SOX10: variants seen among roughly 807,000 people sequenced by gnomAD.
SOX10 encodes transcription factor SOX-10.
In SOX10, 3 loss-of-function variants were observed where a neutral mutation model predicts 35.0. That is an observed-to-expected ratio of 0.09 (90% CI 0.04 to 0.22). The LOEUF is 0.22. SOX10 is among the 10% of genes least tolerant of loss of function. The pLI is 1.00. For synonymous variants in SOX10, 285 were observed against 291.0 expected, an observed-to-expected ratio of 0.98 and a Z score of 0.21; for missense variants, 436 against 655.1, an observed-to-expected ratio of 0.67 and a Z score of 3.65.
chr22:37,979,300 A>G (rs1336776863), intron 2 of SOX10, among the ~76,000 whole-genome samples: 57 of 139,246 alleles, frequency 4.1e-4, no homozygotes, highest in East Asian at 2.9e-3. Flanking sequence ...GTTTCACCAT[A>G]TTGGCCAGGC....
Position 37,974,639 on chromosome 22 carries a change from C to T in SOX10, c.698-441G>A, listed in dbSNP as rs1020233111. 5.3e-5 allele frequency among the ~76,000 whole-genome samples: 8 copies of T among 152,216 alleles called. No individual in the cohort carries two copies. Among genetic ancestry groups the T allele is most frequent in the Non-Finnish European group, 1.0e-4 (7 of 68,032 alleles). On this transcript the variant is annotated intron_variant, in intron 3 of 3. Transcript: ENST00000396884. This position sits in a 1 kb window ranked among gnomAD's most constrained non-coding sequence, Gnocchi z 5.4. Reference sequence around the variant, plus strand: ...AAGTGCTGGGATTACCATCATGAGCCACTGCGCCCCACAGCATTTGTTTAA... The same window carrying T: ...AAGTGCTGGGATTACCATCATGAGCTACTGCGCCCCACAGCATTTGTTTAA...
rs1005002837 is a variant in SOX10 at position 37,984,053 on chromosome 22, C to T, written c.-84-185G>A. 1.4e-5 allele frequency: 4 copies of T among 276,086 alleles called. No individual in the cohort carries two copies. The highest frequency in any genetic ancestry group is 2.7e-5 in the Non-Finnish European group (4 of 147,968). The allele number at this position is 276,086 out of a possible 1,614,324, so 17.1% of individuals were successfully genotyped here. A position where few individuals can be genotyped will look rare whatever the true frequency, so the allele number is the denominator to read the frequency against. ...GTCCCGCCTCTGTGTCTTCCCACCA[C>T]CTGGTCCCAACCGTCTCTTGGTGTG... is the stretch of plus-strand genomic sequence containing the variant. On this transcript the variant is annotated intron_variant, in intron 1 of 3. Coordinates refer to ENST00000396884, the MANE Select transcript of SOX10 (RefSeq NM_006941.4). The surrounding 1 kb of genome is among the most constrained non-coding windows in gnomAD (Gnocchi z 4.4).
chr22:37,977,518 C>T (rs1461148311), intron 3 of SOX10, among the ~76,000 whole-genome samples: 1 of 152,030 alleles, frequency 6.6e-6, no homozygotes, highest in African/African-American at 2.4e-5. Flanking sequence ...GATGGGATTT[C>T]ACCATGTTAG....
rs916489152 is a variant in SOX10 at position 37,974,347 on chromosome 22, G to GTTTTTTT, written c.698-156_698-150dup. ...TTCACATTTTGGCAGCATGAGTCGG[G>GTTTTTTT]TTTTTTTTTGTTTTTTTTTTTTGAG... On this transcript the variant is annotated intron_variant, in intron 3 of 3. Coordinates refer to ENST00000396884, the MANE Select transcript of SOX10 (RefSeq NM_006941.4). The surrounding 1 kb of genome is among the most constrained non-coding windows in gnomAD (Gnocchi z 5.4). The GTTTTTTT allele has an allele frequency of 1.7e-6, 1 of 581,626 alleles. No homozygotes were observed. The highest frequency in any genetic ancestry group is 2.0e-5 in the African/African-American group (1 of 49,516). The allele number at this position is 581,626 out of a possible 1,614,324, so 36.0% of individuals were successfully genotyped here.
In SOX10 at chr22:37,980,939, C is replaced by A. The variant is rs1932377404; in HGVS notation, c.428+2418G>T. Among the ~76,000 whole-genome samples, 1 of 152,216 alleles carries A rather than the reference C, an allele frequency of 6.6e-6. No individual in the cohort carries two copies. The highest frequency in any genetic ancestry group is 2.4e-5 in the African/African-American group (1 of 41,452). On this transcript the variant is annotated intron_variant, in intron 2 of 3. Transcript: ENST00000396884. The surrounding 1 kb of genome is among the most constrained non-coding windows in gnomAD (Gnocchi z 4.1). Reference sequence around the variant, plus strand: ...CCCCACCACACAGGAGGGACTCTTGCCTGTGTCCGCCTTTCCAGTTTCTTG... The same window carrying A: ...CCCCACCACACAGGAGGGACTCTTGACTGTGTCCGCCTTTCCAGTTTCTTG...
chr22:37,977,192 T>C (rs952226678), intron 3 of SOX10, among the ~76,000 whole-genome samples: 25 of 150,570 alleles, frequency 1.7e-4, no homozygotes, highest in Non-Finnish European at 3.5e-4. Context: ...AAAGAATGGC[T>C]GGTGGGAAAG....
rs1932100155 is a variant in SOX10, at chr22:37,972,845, G to GTCTGTTTCTC, written c.*649_*650insGAGAAACAGA. The GTCTGTTTCTC allele has an allele frequency of 6.5e-6, 1 of 153,688 alleles. No individual in the cohort carries two copies. Among genetic ancestry groups the GTCTGTTTCTC allele is most frequent in the Non-Finnish European group, 1.4e-5 (1 of 69,066 alleles). The allele number at this position is 153,688 out of a possible 1,614,324, so 9.5% of individuals were successfully genotyped here. A position where few individuals can be genotyped will look rare whatever the true frequency, so the allele number is the denominator to read the frequency against. ...GGGGGCTGTTTCTCAGACAAAGAAT[G>GTCTGTTTCTC]AGGTTATTGGCACAGAATTGGATCA... On this transcript the variant is annotated 3_prime_UTR_variant, in exon 4 of 4. Transcript: ENST00000396884.
intron 3 of SOX10, 118 bp downstream of exon 3, chr22:37,977,749 G>C: frequency 3.5e-6 from 4 of 1,144,282 alleles, no homozygotes; most frequent in Non-Finnish European, 5.0e-6. Context: ...AGCTCTGCTG[G>C]GGCAACTGCA....
Position 37,973,920 on chromosome 22 carries a change from C to T in SOX10, c.976G>A (p.Val326Met), listed in dbSNP as rs750224655. Residue 326 changes from valine (V) to methionine (M), a missense_variant, in exon 4 of 4, where the codon GTG (valine) becomes ATG (methionine). Physicochemically the swap from Val to Met is conservative, Grantham distance 21 (BLOSUM62 1). This residue lies in a region of SOX10 where 285 missense variants were observed against 402.9 expected (regional missense o/e 0.71). Transcript: ENST00000396884. ...AGYGLGSALA[V>M]ASGHSAWISK... ...ATCCAGGCGGAGTGTCCACTGGCCA[C>T]GGCCAGGGCACTGCCCAGCCCATAG... 21 of 1,609,956 alleles carry T rather than the reference C, an allele frequency of 1.3e-5. No homozygotes were observed. The East Asian group carries it at 1.6e-4, about 12-fold the overall frequency.
intron 3 of SOX10, among the ~76,000 whole-genome samples, chr22:37,976,496 G>C (rs1323655614): frequency 6.6e-6 from 1 of 152,208 alleles, no homozygotes; most frequent in Non-Finnish European, 1.5e-5. Context: ...CACAAAGTAG[G>C]ACTCAGAGCG....
rs947122321 is a variant in SOX10, at chr22:37,983,957, G to A, written c.-84-89C>T. On this transcript the variant is annotated intron_variant, in intron 1 of 3. Coordinates refer to ENST00000396884, the MANE Select transcript of SOX10 (RefSeq NM_006941.4). This position sits in a 1 kb window ranked among gnomAD's most constrained non-coding sequence, Gnocchi z 9.5. ...GACGTGGGCACAGCCCCGAGGTGGC[G>A]GCCCTTCCTGCTCCAGCTAAACCCA... The A allele has an allele frequency of 2.2e-5, 9 of 406,748 alleles. No individual in the cohort carries two copies. Among genetic ancestry groups the A allele is most frequent in the African/African-American group, 1.1e-4 (5 of 45,820 alleles). 25.2% of individuals were successfully genotyped at this position (406,748 alleles called of 1,614,324 possible).
At chr22:37,979,178 A>G (rs1391892969) in intron 2 of SOX10, among the ~76,000 whole-genome samples, 2 of 151,926 alleles carry the variant, frequency 1.3e-5, no homozygotes, top group African/African-American at 4.8e-5. Flanking sequence ...GCTCACTGCA[A>G]TCTCGGCTTC....
rs1019166022 is a variant in SOX10, at chr22:37,980,282, A to T, written c.429-2147T>A. ...CCACAGAGGAGAGAGCTGCTCCGCC[A>T]GCAGTGGACCCCAACAGAGGGGCTT... On this transcript the variant is annotated intron_variant, in intron 2 of 3. Transcript: ENST00000396884. The surrounding 1 kb of genome is among the most constrained non-coding windows in gnomAD (Gnocchi z 4.1). Among the ~76,000 whole-genome samples the T allele has an allele frequency of 2.0e-5, 3 of 152,216 alleles. No individual in the cohort carries two copies. The highest frequency in any genetic ancestry group is 7.2e-5 in the African/African-American group (3 of 41,518).
intron 3 of SOX10, among the ~76,000 whole-genome samples, chr22:37,976,261 A>T (rs1344272339): frequency 6.6e-6 from 1 of 152,174 alleles, no homozygotes; most frequent in South Asian, 2.1e-4. Context: ...GAGTCTTACT[A>T]CATTGCCCAT....
At chr22:37,982,340 G>A (rs886789083) in intron 2 of SOX10, among the ~76,000 whole-genome samples, 2 of 152,132 alleles carry the variant, frequency 1.3e-5, no homozygotes, top group Admixed American at 6.5e-5. Context: ...GACTGCTACC[G>A]GCTCACATCT....
chr22:37,973,473 G>T lies in SOX10; in HGVS notation c.*22C>A, dbSNP rs751989851. 2.7e-6 allele frequency: 4 copies of T among 1,464,102 alleles called. No homozygotes were observed. In the African/African-American group the frequency reaches 4.2e-5, roughly 15 times the overall value. 90.7% of individuals were successfully genotyped at this position (1,464,102 alleles called of 1,614,324 possible). On this transcript the variant is annotated 3_prime_UTR_variant, in exon 4 of 4. Transcript: ENST00000396884. Reference sequence around the variant, plus strand: ...GGCTGGGGGCAGGGGCTGGGCGGGGGGTGGTGGCGACAGGGCCCCCTTTAG... The same window carrying T: ...GGCTGGGGGCAGGGGCTGGGCGGGGTGTGGTGGCGACAGGGCCCCCTTTAG...
Position 37,974,192 on chromosome 22 carries a change from C to G in SOX10, c.704G>C (p.Ser235Thr). Residue 235 changes from serine to threonine, a missense_variant, in exon 4 of 4, where the codon AGC becomes ACC. Transcript: ENST00000396884. This position sits in a 1 kb window ranked among gnomAD's most constrained non-coding sequence, Gnocchi z 5.4. ...DGNPEHPSGQ[S>T]HGPPTPPTTP... ...GGTTGGAGGGGTGGGTGGGCCATGG[C>G]TCTGGCCTGGGTAGAAGGGAGACAG... 1 of 1,602,484 alleles carries G rather than the reference C, an allele frequency of 6.2e-7. No individual in the cohort carries two copies. Among genetic ancestry groups the G allele is most frequent in the Non-Finnish European group, 8.5e-7 (1 of 1,179,028 alleles).
At chr22:37,977,810 T>G in intron 3 of SOX10, 57 bp downstream of exon 3, 1 of 1,553,628 alleles carries the variant, frequency 6.4e-7, no homozygotes, top group African/African-American at 1.4e-5. Context: ...CATCCAGCCA[T>G]CTCCTGTCTC....
rs1200815028 is a variant in SOX10 at position 37,978,087 on chromosome 22, C to T, written c.477G>A (p.Arg159=). Residue 159 remains arginine, a synonymous_variant, in exon 3 of 4, where the codon CGG becomes CGA. Coordinates refer to ENST00000396884, the MANE Select transcript of SOX10 (RefSeq NM_006941.4). This position sits in a 1 kb window ranked among gnomAD's most constrained non-coding sequence, Gnocchi z 5.0. ...GGTCTTTCTTGTGCTGCATACGGAGCCGCTCAGCCTCCTCGATGAAGGGGC... is the reference window on the plus strand; with the variant it reads ...GGTCTTTCTTGTGCTGCATACGGAGTCGCTCAGCCTCCTCGATGAAGGGGC... ...DKRPFIEEAE[R]LRMQHKKDHP... is the part of the protein sequence containing the mutation. 1 of 1,599,066 alleles carries T rather than the reference C, an allele frequency of 6.3e-7. No individual in the cohort carries two copies. Among genetic ancestry groups the T allele is most frequent in the Non-Finnish European group, 8.5e-7 (1 of 1,172,042 alleles).
Sources: allele counts gnomAD v4.1 joint callset (sites outside exome capture counted in the v4.1 genomes callset), GRCh38; gene constraint gnomAD v4.1.1; regional missense constraint gnomAD v4.1.1; non-coding constraint Gnocchi (gnomAD v3.1); transcripts MANE v1.5; gene names NCBI Gene and HGNC (gene_info 2026-07-23, HGNC 2026-07-21).